CLVS1: variants seen among roughly 807,000 people sequenced by gnomAD.
CLVS1 encodes clavesin 1.
A neutral mutation model predicts 33.1 loss-of-function variants in CLVS1; 10 were observed. The observed-to-expected ratio is 0.30, with a 90% CI of 0.19 to 0.51. The LOEUF is 0.51. Ranked by LOEUF, CLVS1 falls within the 20% of genes least tolerant of loss-of-function variation. The pLI is 0.97. For synonymous variants in CLVS1, 163 were observed against 166.1 expected, an observed-to-expected ratio of 0.98 and a Z score of 0.14; for missense variants, 343 against 433.4, an observed-to-expected ratio of 0.79 and a Z score of 1.85.
At chr8:61,116,175 T>C (rs1190545850) in intron 1 of CLVS1, among the ~76,000 whole-genome samples, 2 of 152,002 alleles carry the variant, frequency 1.3e-5, no homozygotes, top group African/African-American at 2.4e-5. Context: ...ATGTCTTCTT[T>C]TGAGAAGTGT....
chr8:61,426,729 C>T (rs533736812), intron 3 of CLVS1, among the ~76,000 whole-genome samples: 2 of 152,198 alleles, frequency 1.3e-5, no homozygotes, highest in African/African-American at 4.8e-5. Context: ...GACAGCAACC[C>T]TCTTCTGTGC....
intron 2 of CLVS1, among the ~76,000 whole-genome samples, chr8:61,342,717 T>C (rs1464789837): frequency 2.0e-5 from 3 of 152,180 alleles, no homozygotes; most frequent in East Asian, 3.8e-4. Flanking sequence ...GCCGTGCACA[T>C]CACATGCAGC....
intron 2 of CLVS1, among the ~76,000 whole-genome samples, chr8:61,305,234 T>C (rs1810578415): frequency 1.3e-5 from 2 of 151,926 alleles, no homozygotes; most frequent in South Asian, 4.1e-4. Context: ...AGGTAAAATA[T>C]ATATATATAT....
chr8:61,338,674 C>T (rs2129597948), intron 2 of CLVS1, among the ~76,000 whole-genome samples: 1 of 152,336 alleles, frequency 6.6e-6, no homozygotes, highest in African/African-American at 2.4e-5. Flanking sequence ...AAAGGAGCAG[C>T]TGGCCCGGTG....
At chr8:61,164,848 T>C (rs375724812) in intron 2 of CLVS1, among the ~76,000 whole-genome samples, 56 of 152,326 alleles carry the variant, frequency 3.7e-4, no homozygotes, top group African/African-American at 1.3e-3. Context: ...TGTCATTTTA[T>C]CCAAACCCGT....
intron 2 of CLVS1, among the ~76,000 whole-genome samples, chr8:61,217,817 A>T (rs1045929232): frequency 1.1e-4 from 16 of 152,230 alleles, no homozygotes; most frequent in African/African-American, 3.4e-4. Flanking sequence ...ACAGCAAAAA[A>T]CCCCAATTTA....
intron 5 of CLVS1, among the ~76,000 whole-genome samples, chr8:61,471,611 C>T (rs6994839): frequency 0.011 from 1,621 of 152,148 alleles, 22 homozygotes; most frequent in African/African-American, 0.037. Flanking sequence ...ACGTTGGGAG[C>T]GGGCCACAGA....
intron 2 of CLVS1, among the ~76,000 whole-genome samples, chr8:61,345,516 A>G (rs1812183099): frequency 6.6e-6 from 1 of 152,058 alleles, no homozygotes; most frequent in African/African-American, 2.4e-5. Flanking sequence ...GCAACAATTA[A>G]AAGTCCTGGC....
At chr8:61,333,769 G>A (rs188994440) in intron 2 of CLVS1, among the ~76,000 whole-genome samples, 183 of 152,258 alleles carry the variant, frequency 1.2e-3, no homozygotes, top group African/African-American at 4.0e-3. Context: ...GTAAACTTGT[G>A]TCATGGGGGT....
At chr8:61,479,754 G>T (rs1425645900) in intron 5 of CLVS1, among the ~76,000 whole-genome samples, 1 of 152,160 alleles carries the variant, frequency 6.6e-6, no homozygotes, top group Non-Finnish European at 1.5e-5. Flanking sequence ...TGTACAGATA[G>T]GTTTTTGGTG....
chr8:61,046,519 T>C, the CLVS1 span, among the ~76,000 whole-genome samples: 1 of 146,294 alleles, frequency 6.8e-6, no homozygotes, highest in African/African-American at 2.7e-5. Context: ...TTTCAAATTC[T>C]GTGAAGAAAG....
chr8:61,149,394 A>G (rs180928604), intron 2 of CLVS1, among the ~76,000 whole-genome samples: 42 of 152,094 alleles, frequency 2.8e-4, no homozygotes, highest in African/African-American at 9.9e-4. Context: ...TCTACTAAAA[A>G]TACAAAAATT....
chr8:61,442,969 GC>G (rs1371182362), intron 3 of CLVS1, among the ~76,000 whole-genome samples: 10 of 152,080 alleles, frequency 6.6e-5, no homozygotes, highest in Non-Finnish European at 1.5e-4. Context: ...GTTTTAACTT[GC>G]CTTTCACTAA....
intron 3 of CLVS1, among the ~76,000 whole-genome samples, chr8:61,449,456 C>G (rs1015183691): frequency 2.0e-5 from 3 of 152,314 alleles, no homozygotes; most frequent in Admixed American, 6.5e-5. Flanking sequence ...TAACATTACT[C>G]TGGCAGGGAT....
intron 2 of CLVS1, among the ~76,000 whole-genome samples, chr8:61,198,493 C>T (rs187376649): frequency 5.8e-4 from 89 of 152,306 alleles, no homozygotes; most frequent in East Asian, 1.9e-4. Context: ...GATTCTCCTG[C>T]GTCAGCCTTC....
intron 3 of CLVS1, among the ~76,000 whole-genome samples, chr8:61,386,882 G>T (rs1386751028): frequency 6.6e-6 from 1 of 152,130 alleles, no homozygotes; most frequent in African/African-American, 2.4e-5. Context: ...TGGAGCAGGA[G>T]AGCAACAAAC....
chr8:61,245,650 C>G (rs941992196), intron 2 of CLVS1, among the ~76,000 whole-genome samples: 15 of 151,548 alleles, frequency 9.9e-5, no homozygotes, highest in Non-Finnish European at 2.2e-4. Flanking sequence ...TATTTACCCT[C>G]TATCCTGTTT....
chr8:61,300,048 C>T lies in CLVS1; in HGVS notation c.221C>T (p.Ala74Val). 1 of 1,614,002 alleles carries T rather than the reference C, an allele frequency of 6.2e-7. No homozygotes were observed. Among genetic ancestry groups the T allele is most frequent in the Non-Finnish European group, 8.5e-7 (1 of 1,179,964 alleles). Reference sequence around the variant, plus strand: ...ATTGGATTTTTACGTACAGATGATGCCTTCATCCTGAGATTTCTCCGAGCC... The same window carrying T: ...ATTGGATTTTTACGTACAGATGATGTCTTCATCCTGAGATTTCTCCGAGCC... ...PDIGFLRTDD[A>V]FILRFLRARK... The change falls in exon 2 of 6, where the codon GCC becomes GTC. Residue 74 changes from alanine (A) to valine (V), a missense_variant. This residue lies in a region of CLVS1 where 166 missense variants were observed against 244.0 expected (regional missense o/e 0.68). Transcript: ENST00000325897.
chr8:61,338,962 C>T (rs1811908733), intron 2 of CLVS1, among the ~76,000 whole-genome samples: 2 of 113,572 alleles, frequency 1.8e-5, no homozygotes, highest in South Asian at 7.2e-4. Context: ...CCAAAGGGAA[C>T]ACTGTGTGTG....
Sources: allele counts gnomAD v4.1 joint callset (sites outside exome capture counted in the v4.1 genomes callset), GRCh38; gene constraint gnomAD v4.1.1; regional missense constraint gnomAD v4.1.1; transcripts MANE v1.5; gene names NCBI Gene and HGNC (gene_info 2026-07-23, HGNC 2026-07-21).